ADK: variants seen among roughly 807,000 people sequenced by gnomAD.
ADK encodes adenosine kinase.
A neutral mutation model predicts 44.7 loss-of-function variants in ADK; 24 were observed. That is an observed-to-expected ratio of 0.54 (90% CI 0.39 to 0.76). The LOEUF (loss-of-function observed/expected upper bound fraction) is 0.76. Ranked by LOEUF, ADK falls within the 30% of genes least tolerant of loss-of-function variation. The pLI, the probability that ADK is intolerant of heterozygous loss-of-function variation, is 0.00. For missense variants in ADK, 321 were observed against 425.1 expected (o/e 0.76, Z 2.15); for synonymous variants, 128 against 142.6 (o/e 0.90, Z 0.73).
At chr10:74,231,254 A>G (rs879787800) in intron 3 of ADK, among the ~76,000 whole-genome samples, 1 of 152,222 alleles carries the variant, frequency 6.6e-6, no homozygotes, top group African/African-American at 2.4e-5. Context: ...AAGTAAGTCA[A>G]ATGTATACAT....
intron 9 of ADK, among the ~76,000 whole-genome samples, chr10:74,653,748 C>G (rs982794689): frequency 6.6e-6 from 1 of 152,074 alleles, no homozygotes; most frequent in Non-Finnish European, 1.5e-5. Flanking sequence ...TGCTGTATTC[C>G]AAGTAGACAA....
rs923962478 is a variant in ADK at position 74,574,837 on chromosome 10, A to T, written c.727-14445A>T. On this transcript the variant is annotated intron_variant, in intron 7 of 10. Transcript: ENST00000539909. ...ACTGTTAATGCATATGAGTAGAAAA[A>T]TTTTTTACCTTTGTAAGCAAAGATT... Among the ~76,000 whole-genome samples the T allele has an allele frequency of 9.2e-5, 14 of 152,242 alleles. No individual in the cohort carries two copies. In the East Asian group the frequency reaches 9.7e-4, roughly 11 times the overall value.
At chr10:74,675,291 A>T (rs1855348093) in intron 10 of ADK, among the ~76,000 whole-genome samples, 2 of 152,320 alleles carry the variant, frequency 1.3e-5, no homozygotes, top group Non-Finnish European at 2.9e-5. Context: ...AAGATATATG[A>T]CTACATCATG....
rs1482053459 is a variant in ADK, at chr10:74,596,014, A to AAAAAAAAAG, written c.763-4363_763-4362insAAAAAAGAA. Among the ~76,000 whole-genome samples the AAAAAAAAAG allele has an allele frequency of 2.7e-5, 4 of 150,144 alleles. No individual in the cohort carries two copies. In the East Asian group the frequency reaches 7.9e-4, roughly 30 times the overall value. ...TTCCATCTCAAAAAAAAAAAAAAAAAAACCACTGAAATTCGCTGGAGTAAA... is the reference window on the plus strand; with the variant it reads ...TTCCATCTCAAAAAAAAAAAAAAAAAAAAAAAAAGAACCACTGAAATTCGCTGGAGTAAA... On this transcript the variant is annotated intron_variant, in intron 8 of 10. Coordinates refer to ENST00000539909, the MANE Select transcript of ADK (RefSeq NM_006721.4).
intron 4 of ADK, among the ~76,000 whole-genome samples, chr10:74,346,221 T>C (rs1215373447): frequency 1.3e-5 from 2 of 152,210 alleles, no homozygotes; most frequent in Non-Finnish European, 2.9e-5. Context: ...GAATCCAAAG[T>C]TCATGTTTTT....
chr10:74,672,596 A>ACCTAC (rs1371226137), intron 10 of ADK, among the ~76,000 whole-genome samples: 26 of 152,184 alleles, frequency 1.7e-4, no homozygotes, highest in Admixed American at 5.2e-4. Context: ...TCCCAGGGTA[A>ACCTAC]TCAGATCCCA....
rs370191448 is a variant in ADK, at chr10:74,176,879, T to A, written c.66-23885T>A. On this transcript the variant is annotated intron_variant, in intron 1 of 10. Transcript: ENST00000539909. Reference sequence around the variant, plus strand: ...TGGGCAGGAGGGCGAAGCCATGACGTCAGTCAGGTAACGAGCGGGCGGCTG... The same window carrying A: ...TGGGCAGGAGGGCGAAGCCATGACGACAGTCAGGTAACGAGCGGGCGGCTG... The A allele has an allele frequency of 8.4e-5, 135 of 1,609,822 alleles. No individual in the cohort carries two copies. Among genetic ancestry groups the A allele is most frequent in the Non-Finnish European group, 1.0e-4 (123 of 1,179,802 alleles).
intron 3 of ADK, among the ~76,000 whole-genome samples, chr10:74,303,604 T>G (rs1312619090): frequency 4.4e-5 from 6 of 137,852 alleles, no homozygotes; most frequent in East Asian, 2.0e-4. Flanking sequence ...TTTTTTTTTT[T>G]TTTTTTTTTT....
rs1451075521 is a variant in ADK at position 74,334,845 on chromosome 10, C to T, written c.273+20100C>T. On this transcript the variant is annotated intron_variant, in intron 4 of 10. Transcript: ENST00000539909. ...AGGGGAATTGCAGTCAAGGACCCAG[C>T]CATCCTCTTATACATATCTGCGTTC... Among the ~76,000 whole-genome samples the T allele has an allele frequency of 2.6e-5, 4 of 152,212 alleles. No individual in the cohort carries two copies. In the East Asian group the frequency reaches 7.7e-4, roughly 29 times the overall value.
intron 6 of ADK, among the ~76,000 whole-genome samples, chr10:74,416,518 C>A (rs191808005): frequency 7.3e-5 from 11 of 150,632 alleles, no homozygotes; most frequent in African/African-American, 2.7e-4. Flanking sequence ...TTATCTTGTT[C>A]TCTATACGGA....
intron 7 of ADK, among the ~76,000 whole-genome samples, chr10:74,536,369 C>T (rs1008396707): frequency 4.0e-5 from 6 of 151,816 alleles, no homozygotes; most frequent in African/African-American, 1.2e-4. Context: ...TGGTTAGACA[C>T]GTGCTGGGAC....
Position 74,635,241 on chromosome 10 carries a change from A to G in ADK, c.877+34748A>G, listed in dbSNP as rs548059269. Among the ~76,000 whole-genome samples, 3 of 152,344 alleles carry G rather than the reference A, an allele frequency of 2.0e-5. No individual in the cohort carries two copies. The East Asian group carries it at 5.8e-4, about 29-fold the overall frequency. ...GATGAAGAGAAGATATTGAAGAGCA[A>G]AGTAGCACATTGCATAGAATGGGAA... On this transcript the variant is annotated intron_variant, in intron 9 of 10. Coordinates refer to ENST00000539909, the MANE Select transcript of ADK (RefSeq NM_006721.4).
intron 4 of ADK, among the ~76,000 whole-genome samples, chr10:74,336,672 C>T (rs966957690): frequency 3.3e-5 from 5 of 152,024 alleles, no homozygotes; most frequent in African/African-American, 7.2e-5. Flanking sequence ...TCCCTTAGTG[C>T]CCATAAGGGA....
chr10:74,316,630 A>G (rs2131809793), intron 4 of ADK, among the ~76,000 whole-genome samples: 1 of 152,298 alleles, frequency 6.6e-6, no homozygotes, highest in South Asian at 2.1e-4. Context: ...AGGCCTTTCC[A>G]GACATGCTGA....
chr10:74,195,548 A>AGCTG (rs1238037052), intron 1 of ADK, among the ~76,000 whole-genome samples: 2 of 152,032 alleles, frequency 1.3e-5, no homozygotes, highest in Non-Finnish European at 2.9e-5. Context: ...CAATGGTGCA[A>AGCTG]TTACAGCTTA....
At chr10:74,589,148 G>T in intron 7 of ADK, 134 bp from the exon 8 acceptor site, 1 of 755,716 alleles carries the variant, frequency 1.3e-6, no homozygotes. Flanking sequence ...ATTGCTGTAA[G>T]AATAAAAATT....
At chr10:74,338,727 G>T (rs1193398796) in intron 4 of ADK, among the ~76,000 whole-genome samples, 1 of 152,136 alleles carries the variant, frequency 6.6e-6, no homozygotes, top group African/African-American at 2.4e-5. Context: ...AAAAATTAGT[G>T]TTGGAAAATT....
At chr10:74,640,525 T>C (rs1203548677) in intron 9 of ADK, among the ~76,000 whole-genome samples, 1 of 152,258 alleles carries the variant, frequency 6.6e-6, no homozygotes, top group Non-Finnish European at 1.5e-5. Context: ...CCTTATTTTG[T>C]TCAACTATAA....
chr10:74,477,038 A>T (rs1478084831), intron 6 of ADK, among the ~76,000 whole-genome samples: 1 of 152,062 alleles, frequency 6.6e-6, no homozygotes, highest in East Asian at 1.9e-4. Context: ...ATTGTATGGT[A>T]TGCTTTCTGT....
Sources: gnomAD v4.1 joint callset for allele counts (sites outside exome capture counted in the v4.1 genomes callset) on GRCh38, gnomAD v4.1.1 for gene constraint, MANE v1.5 for transcripts, NCBI Gene and HGNC (gene_info 2026-07-23, HGNC 2026-07-21) for gene names.